ARID2: variants seen among roughly 807,000 people sequenced by gnomAD.
ARID2 encodes AT-rich interaction domain 2.
ARID2 carries 32 observed loss-of-function variants against 184.6 expected under a neutral mutation model. The observed-to-expected ratio is 0.17, with a 90% CI of 0.13 to 0.23. The LOEUF (loss-of-function observed/expected upper bound fraction) is 0.23, where lower values mean the gene tolerates loss of function less well. Among genes scored for constraint, ARID2 ranks in the 10% least tolerant of loss-of-function variants. The probability of loss-of-function intolerance (pLI) is 1.00; values close to 1 mark genes in which losing one functional copy is unlikely to be tolerated. For synonymous variants in ARID2, 836 were observed against 772.6 expected (o/e 1.08, Z -1.36); for missense variants, 1,696 against 2,197.6 (o/e 0.77, Z 4.56).
At chr12:45,746,916 G>A (rs764322927) in intron 3 of ARID2, among the ~76,000 whole-genome samples, 6 of 152,066 alleles carry the variant, frequency 3.9e-5, no homozygotes, top group Non-Finnish European at 7.4e-5. Context: ...ACAGGCGCTC[G>A]CCACCATGCC....
chr12:45,860,819 T>C lies in ARID2; in HGVS notation c.4792T>C (p.Ser1598Pro). 6.3e-7 allele frequency: 1 copy of C among 1,593,846 alleles called. No individual in the cohort carries two copies. Among genetic ancestry groups the C allele is most frequent in the Non-Finnish European group, 8.5e-7 (1 of 1,170,284 alleles). Reference protein sequence around the residue: ...VVPQNTPMPPSPAVQVQGQPN... With the variant: ...VVPQNTPMPPPPAVQVQGQPN... ...TTCACAGAACACTCCTATGCCACCT[T>C]CACCAGCTGTACAAGTGCAGGGCCA... is the stretch of plus-strand genomic sequence containing the variant. The change falls in exon 16 of 21, where the codon TCA (serine) becomes CCA (proline). Residue 1598 changes from serine (S) to proline (P), a missense_variant. By Grantham distance (74) the Ser-to-Pro change is moderately conservative. This residue lies in a region of ARID2 where 111 missense variants were observed against 154.0 expected (regional missense o/e 0.72). Transcript: ENST00000334344.
intron 6 of ARID2, among the ~76,000 whole-genome samples, chr12:45,834,081 A>C (rs1943170512): frequency 6.6e-6 from 1 of 152,168 alleles, no homozygotes; most frequent in South Asian, 2.1e-4. Context: ...CAATCATTGG[A>C]ATAACCTCAT....
chr12:45,752,921 G>A lies in ARID2; in HGVS notation c.284+21607G>A, dbSNP rs535297824. ...GACATCATGTAGTTTACTCTTAAGA[G>A]TCAGTTTGAGTCATGCTATAAAGTT... On this transcript the variant is annotated intron_variant, in intron 3 of 20. Coordinates refer to ENST00000334344, the MANE Select transcript of ARID2 (RefSeq NM_152641.4). Among the ~76,000 whole-genome samples, 5 of 152,350 alleles carry A rather than the reference G, an allele frequency of 3.3e-5. No homozygotes were observed. The South Asian group carries it at 1.0e-3, about 32-fold the overall frequency.
chr12:45,848,465 T>C (rs1943482418), intron 12 of ARID2, among the ~76,000 whole-genome samples: 1 of 152,030 alleles, frequency 6.6e-6, no homozygotes, highest in South Asian at 2.1e-4. Flanking sequence ...ACAATGCAAA[T>C]AGCACGTAAT....
chr12:45,839,477 T>C lies in ARID2; in HGVS notation c.1479T>C (p.Thr493=), dbSNP rs2138137615. Residue 493 remains threonine (T), a synonymous_variant, in exon 11 of 21, where the codon ACT becomes ACC. Transcript: ENST00000334344. ...CTATAGAGCAAGTCCAAACCCAGACTCATGTAGCATCTGCCCCAGGTTAGT... is the reference window on the plus strand; with the variant it reads ...CTATAGAGCAAGTCCAAACCCAGACCCATGTAGCATCTGCCCCAGGTTAGT... ...PQAIEQVQTQ[T]HVASAPASRA... 1 of 1,612,652 alleles carries C rather than the reference T, an allele frequency of 6.2e-7. No homozygotes were observed. The highest frequency in any genetic ancestry group is 1.3e-5 in the African/African-American group (1 of 74,940).
At chr12:45,857,040 A>G (rs931738663) in intron 15 of ARID2, among the ~76,000 whole-genome samples, 1 of 152,240 alleles carries the variant, frequency 6.6e-6, no homozygotes, top group Admixed American at 6.5e-5. Context: ...AAACTTAGAT[A>G]CAAAAACTTA....
chr12:45,905,100 T>TG lies in ARID2; in HGVS notation c.*27dup. On this transcript the variant is annotated 3_prime_UTR_variant, in exon 21 of 21. Transcript: ENST00000334344. ...GTGAAAAATAATTCCACTTACACAGTGGGGGACTCAAAGTCAGCCACATTT... is the reference window on the plus strand; with the variant it reads ...GTGAAAAATAATTCCACTTACACAGTGGGGGGACTCAAAGTCAGCCACATTT... 3 of 1,607,112 alleles carry TG rather than the reference T, an allele frequency of 1.9e-6. No homozygotes were observed. Among genetic ancestry groups the TG allele is most frequent in the Non-Finnish European group, 2.6e-6 (3 of 1,176,468 alleles).
chr12:45,811,291 G>A (rs1393952918), intron 3 of ARID2, 127 bp from the exon 4 acceptor site: 2 of 1,013,054 alleles, frequency 2.0e-6, no homozygotes, highest in Non-Finnish European at 2.8e-6. Flanking sequence ...TAATATAAGA[G>A]GTTTATGGTA....
In ARID2 at chr12:45,811,571, A is replaced by T. The variant is rs2138083197; in HGVS notation, c.418+20A>T. 1 of 1,611,240 alleles carries T rather than the reference A, an allele frequency of 6.2e-7. No homozygotes were observed. Among genetic ancestry groups the T allele is most frequent in the Non-Finnish European group, 8.5e-7 (1 of 1,178,612 alleles). ...TGTCGGGTAAATATCACTGCAAATT[A>T]ACAGGATATATGTCCGCAGTTTTGA... On this transcript the variant is annotated intron_variant, in intron 4 of 20. Transcript: ENST00000334344.
chr12:45,868,716 C>T (rs1592132027), intron 16 of ARID2, among the ~76,000 whole-genome samples: 1 of 152,192 alleles, frequency 6.6e-6, no homozygotes, highest in South Asian at 2.1e-4. Flanking sequence ...TATTGGCAAT[C>T]ATCTTTCCCT....
At chr12:45,813,760 T>C (rs1942756236) in intron 4 of ARID2, among the ~76,000 whole-genome samples, 2 of 152,176 alleles carry the variant, frequency 1.3e-5, no homozygotes. Flanking sequence ...GGATATTGAC[T>C]ACTTTTGGCC....
At chr12:45,769,444 C>T (rs974495263) in intron 3 of ARID2, among the ~76,000 whole-genome samples, 1 of 152,024 alleles carries the variant, frequency 6.6e-6, no homozygotes, top group Non-Finnish European at 1.5e-5. Context: ...TTTGTACTGG[C>T]AGAAGACAGA....
intron 1 of ARID2, 36 bp downstream of exon 1, chr12:45,729,964 G>GCCGGGGCGAA (rs772261436): frequency 6.2e-7 from 1 of 1,604,488 alleles, no homozygotes; most frequent in African/African-American, 1.3e-5. Context: ...GCCGGGGCGA[G>GCCGGGGCGAA]CCGGGGCGAA....
At chr12:45,832,238 G>A (rs1943136011) in intron 6 of ARID2, among the ~76,000 whole-genome samples, 1 of 152,042 alleles carries the variant, frequency 6.6e-6, no homozygotes, top group African/African-American at 2.4e-5. Flanking sequence ...CATTCTTATT[G>A]ACAAGAAGTC....
intron 1 of ARID2, 39 bp downstream of exon 1, chr12:45,729,967 G>A (rs1163333538): frequency 1.9e-6 from 3 of 1,603,608 alleles, no homozygotes; most frequent in South Asian, 1.1e-5. Context: ...GGGGCGAGCC[G>A]GGGCGAACGG....
chr12:45,902,202 T>A (rs1944468945), intron 20 of ARID2, among the ~76,000 whole-genome samples: 1 of 152,148 alleles, frequency 6.6e-6, no homozygotes, highest in Admixed American at 6.5e-5. Flanking sequence ...TGAAAGAATA[T>A]CATTTTATAA....
Position 45,798,799 on chromosome 12 carries a change from A to G in ARID2, c.285-12619A>G, listed in dbSNP as rs73292505. 5.3e-3 allele frequency among the ~76,000 whole-genome samples: 811 copies of G among 152,198 alleles called. 6 individuals are homozygous for G. Among genetic ancestry groups the G allele is most frequent in the African/African-American group, 0.019 (772 of 41,542 alleles). ...ACTTATACCTGTAAATACTTTATTC[A>G]TTCTCTAAGGGGAGACAACCCAAAG... On this transcript the variant is annotated intron_variant, in intron 3 of 20. Transcript: ENST00000334344.
chr12:45,751,466 C>T (rs1467098455), intron 3 of ARID2, among the ~76,000 whole-genome samples: 1 of 152,162 alleles, frequency 6.6e-6, no homozygotes, highest in African/African-American at 2.4e-5. Flanking sequence ...GGATTTTGAG[C>T]AATGAAGTGT....
At chr12:45,887,155 A>C (rs150609370) in intron 16 of ARID2, among the ~76,000 whole-genome samples, 94 of 152,346 alleles carry the variant, frequency 6.2e-4, no homozygotes, top group African/African-American at 2.1e-3. Flanking sequence ...GAATTAAATG[A>C]AGAATAGAAG....
Sources: gnomAD v4.1 joint callset for allele counts (sites outside exome capture counted in the v4.1 genomes callset) on GRCh38, gnomAD v4.1.1 for gene constraint, gnomAD v4.1.1 regional missense constraint, MANE v1.5 for transcripts, NCBI Gene and HGNC (gene_info 2026-07-23, HGNC 2026-07-21) for gene names.